The following USP33 variants were observed in gnomAD, a reference collection of about 807,000 sequenced individuals.
USP33 encodes the protein ubiquitin carboxyl-terminal hydrolase 33.
A neutral mutation model predicts 124.2 loss-of-function variants in USP33; 46 were observed. That is an observed-to-expected ratio of 0.37 (90% CI 0.29 to 0.47). USP33 has a LOEUF of 0.47. USP33 is among the 20% of genes least tolerant of loss of function. The probability of loss-of-function intolerance (pLI) is 0.99; values close to 1 mark genes in which losing one functional copy is unlikely to be tolerated. For missense variants in USP33, 851 were observed against 1,070.6 expected, an observed-to-expected ratio of 0.79 and a Z score of 2.86; for synonymous variants, 350 against 352.3, an observed-to-expected ratio of 0.99 and a Z score of 0.07.
Position 77,728,604 on chromosome 1 carries a change from T to C in USP33, c.826A>G (p.Met276Val), listed in dbSNP as rs369604550. ...TCCGACTGGCTCTTGTCTTCTTCCA[T>C]TGTCTCCTCAGTGGTTATGGTTTGC... ...DPQTITTEETMEEDKSQSDVD... is the reference protein window; with the variant it reads ...DPQTITTEETVEEDKSQSDVD... Residue 276 changes from methionine to valine, a missense_variant, in exon 10 of 24, where the codon ATG becomes GTG. Physicochemically the swap from Met to Val is conservative, Grantham distance 21. Around this residue, in one of 4 missense-constraint regions of USP33, gnomAD observed 207 missense variants for 200.9 expected, o/e 1.03. Coordinates refer to ENST00000370794, the MANE Select transcript of USP33 (RefSeq NM_201624.3). 1.2e-6 allele frequency: 2 copies of C among 1,614,166 alleles called. No individual in the cohort carries two copies. Among genetic ancestry groups the C allele is most frequent in the South Asian group, 1.1e-5 (1 of 91,076 alleles).
intron 18 of USP33, among the ~76,000 whole-genome samples, chr1:77,715,297 G>A (rs552417028): frequency 7.2e-4 from 109 of 151,812 alleles, no homozygotes; most frequent in Non-Finnish European, 1.2e-3. Context: ...ACCCCCACCC[G>A]CCGGGTTCAA....
intron 11 of USP33, among the ~76,000 whole-genome samples, chr1:77,725,000 C>T (rs1363199913): frequency 1.3e-5 from 2 of 152,030 alleles, no homozygotes; most frequent in Non-Finnish European, 2.9e-5. Context: ...CAAGATTGCA[C>T]CACTGTACTC....
rs80253660 is a variant in USP33, at chr1:77,701,491, C to G, written c.2407-20G>C. 2.9e-4 allele frequency: 458 copies of G among 1,578,566 alleles called. 3 individuals are homozygous for G. The African/African-American group carries it at 5.5e-3, about 19-fold the overall frequency. On this transcript the variant is annotated intron_variant, in intron 21 of 23. Transcript: ENST00000370794. ...GTTAAGCTACAAGGGGGAAAAAAAA[C>G]AGTCATCTAATATCTAAAACTTGCT... is the stretch of plus-strand genomic sequence containing the variant.
At chr1:77,710,360 TCAATAGTAATGTA>T (rs1267584886) in intron 21 of USP33, among the ~76,000 whole-genome samples, 1 of 152,210 alleles carries the variant, frequency 6.6e-6, no homozygotes, top group African/African-American at 2.4e-5. Flanking sequence ...CCCAGTCCTT[TCAATAGTAATGTA>T]CATCTCTCAT....
At chr1:77,720,129 T>G (rs1035701477) in intron 15 of USP33, among the ~76,000 whole-genome samples, 15 of 115,058 alleles carry the variant, frequency 1.3e-4, no homozygotes, top group African/African-American at 4.7e-4. Flanking sequence ...TACTGAATCT[T>G]CAGCCTTGGC....
chr1:77,723,356 G>A lies in USP33; in HGVS notation c.1364C>T (p.Ser455Leu). The A allele has an allele frequency of 6.2e-7, 1 of 1,612,340 alleles. No homozygotes were observed. Among genetic ancestry groups the A allele is most frequent in the East Asian group, 2.2e-5 (1 of 44,798 alleles). ...SDIFDGTIISSVQCLTCDRVS... is the reference protein window; with the variant it reads ...SDIFDGTIISLVQCLTCDRVS... ...CCTGTCACAAGTCAGACACTGCACT[G>A]AACTAATGATTGTTCCATCAAATAT... The change falls in exon 12 of 24, where the codon TCA becomes TTA. Residue 455 changes from serine (S) to leucine (L), a missense_variant. Transcript: ENST00000370794.
At chr1:77,732,120 A>C (rs953910522) in intron 7 of USP33, among the ~76,000 whole-genome samples, 3 of 151,928 alleles carry the variant, frequency 2.0e-5, no homozygotes, top group Non-Finnish European at 4.4e-5. Context: ...AAAAAAAAAA[A>C]AAAAAACCAG....
chr1:77,714,587 A>G lies in USP33; in HGVS notation c.2215+27T>C, dbSNP rs773205119. On this transcript the variant is annotated intron_variant, in intron 19 of 23. Transcript: ENST00000370794. ...AATTATTTTACAGCAAACTTCTACTACCGGTTTGCATTACAGGAGTTCTTA... is the reference window on the plus strand; with the variant it reads ...AATTATTTTACAGCAAACTTCTACTGCCGGTTTGCATTACAGGAGTTCTTA... The G allele has an allele frequency of 1.9e-6, 3 of 1,588,418 alleles. No individual in the cohort carries two copies. The South Asian group carries it at 3.4e-5, about 18-fold the overall frequency.
At chr1:77,743,493 G>C (rs551464030) in intron 1 of USP33, among the ~76,000 whole-genome samples, 1 of 151,980 alleles carries the variant, frequency 6.6e-6, no homozygotes, top group South Asian at 2.1e-4. Flanking sequence ...TTTTTCTTTT[G>C]AGACAGGGCC....
At chr1:77,721,258 T>C in intron 14 of USP33, 53 bp from the exon 15 acceptor site, 2 of 1,599,132 alleles carry the variant, frequency 1.3e-6, no homozygotes, top group Non-Finnish European at 1.7e-6. Flanking sequence ...AAATTGCTTA[T>C]TATGGTCCTG....
At chr1:77,734,562 G>A (rs987827754) in intron 6 of USP33, 146 bp from the exon 7 acceptor site, 5 of 558,082 alleles carry the variant, frequency 9.0e-6, no homozygotes, top group Admixed American at 3.8e-5. Flanking sequence ...GTCACACTTT[G>A]GGAAGCCTTA....
In USP33 at chr1:77,723,314, A is replaced by C. The variant is rs1251028602; in HGVS notation, c.1389+17T>G. The C allele has an allele frequency of 6.5e-7, 1 of 1,527,446 alleles. No individual in the cohort carries two copies. Among genetic ancestry groups the C allele is most frequent in the Admixed American group, 1.7e-5 (1 of 57,500 alleles). 94.6% of individuals were successfully genotyped at this position (1,527,446 alleles called of 1,614,324 possible). A position where few individuals can be genotyped will look rare whatever the true frequency, so the allele number is the denominator to read the frequency against. ...TTGACACGAATTTTCTGTGTATTCT[A>C]ATACCCTCATACTCACCCTGTCACA... is the stretch of plus-strand genomic sequence containing the variant. On this transcript the variant is annotated intron_variant, in intron 12 of 23. Coordinates refer to ENST00000370794, the MANE Select transcript of USP33 (RefSeq NM_201624.3).
At position 77,728,170 on chromosome 1, in the gene USP33, TACTC is replaced by T. The variant is rs376896364; in HGVS notation, c.1135+121_1135+124del. ...TCGGGTTCTATAATTTTATGACTAA[TACTC>T]ACATGCAAATACTGCTAAACTATAA... is the stretch of plus-strand genomic sequence containing the variant. On this transcript the variant is annotated intron_variant, in intron 10 of 23. Transcript: ENST00000370794. 4.4e-5 allele frequency: 46 copies of T among 1,050,204 alleles called. No individual in the cohort carries two copies. The African/African-American group carries it at 5.8e-4, about 13-fold the overall frequency. 65.1% of individuals were successfully genotyped at this position (1,050,204 alleles called of 1,614,324 possible).
intron 22 of USP33, among the ~76,000 whole-genome samples, chr1:77,700,081 C>T (rs1163280282): frequency 2.0e-5 from 3 of 152,174 alleles, no homozygotes; most frequent in Non-Finnish European, 2.9e-5. Flanking sequence ...ACAGGAAAAA[C>T]AGCTAATGCA....
chr1:77,705,761 A>G (rs1430230026), intron 21 of USP33, among the ~76,000 whole-genome samples: 3 of 152,142 alleles, frequency 2.0e-5, no homozygotes, highest in African/African-American at 7.2e-5. Flanking sequence ...TGCAACTGTC[A>G]CCACAATCCA....
chr1:77,719,760 G>C (rs1247893378), intron 15 of USP33, among the ~76,000 whole-genome samples: 1 of 151,188 alleles, frequency 6.6e-6, no homozygotes, highest in Non-Finnish European at 1.5e-5. Context: ...GGCTGAGGCA[G>C]GGAAAATTGC....
chr1:77,714,522 A>ATT lies in USP33; in HGVS notation c.2215+91_2215+92insAA. 3 of 1,313,140 alleles carry ATT rather than the reference A, an allele frequency of 2.3e-6. 1 individual carries two copies. In the South Asian group the frequency reaches 4.2e-5, roughly 19 times the overall value. The allele number at this position is 1,313,140 out of a possible 1,614,324, so 81.3% of individuals were successfully genotyped here. A position where few individuals can be genotyped will look rare whatever the true frequency, so the allele number is the denominator to read the frequency against. ...TTGAATGCAGGTGGGGAAATGGGAA[A>ATT]TAAGTGGGAGAGGAAAATTCTTGGC... On this transcript the variant is annotated intron_variant, in intron 19 of 23. Coordinates refer to ENST00000370794, the MANE Select transcript of USP33 (RefSeq NM_201624.3).
At chr1:77,709,411 ATGCTGAGGCAGGAGGATCCC>A (rs2101238464) in intron 21 of USP33, among the ~76,000 whole-genome samples, 1 of 152,196 alleles carries the variant, frequency 6.6e-6, no homozygotes, top group South Asian at 2.1e-4. Context: ...GCTACTCGGG[ATGCTGAGGCAGGAGGATCCC>A]TTTAGCCTAG....
chr1:77,734,732 T>C (rs1005719039), intron 6 of USP33, among the ~76,000 whole-genome samples: 2 of 152,234 alleles, frequency 1.3e-5, no homozygotes, highest in Non-Finnish European at 2.9e-5. Context: ...AACTAAAGTT[T>C]AATTATTTTG....
Sources: gnomAD v4.1 joint callset for allele counts (sites outside exome capture counted in the v4.1 genomes callset) on GRCh38, gnomAD v4.1.1 for gene constraint, gnomAD v4.1.1 regional missense constraint, MANE v1.5 for transcripts, NCBI Gene and HGNC (gene_info 2026-07-23, HGNC 2026-07-21) for gene names.